CNTN4: variants seen among roughly 807,000 people sequenced by gnomAD.
CNTN4 encodes the protein contactin-4.
A neutral mutation model predicts 122.5 loss-of-function variants in CNTN4; 77 were observed. The ratio of observed to expected loss-of-function variants is 0.63; its 90% CI spans 0.52 to 0.76. CNTN4 has a LOEUF of 0.76. Ranked by LOEUF, CNTN4 falls within the 30% of genes least tolerant of loss-of-function variation. CNTN4 has a pLI of 0.00. For missense variants in CNTN4, 1,256 were observed against 1,259.1 expected, an observed-to-expected ratio of 1.00 and a Z score of 0.04; for synonymous variants, 512 against 447.0, an observed-to-expected ratio of 1.15 and a Z score of -1.83.
intron 2 of CNTN4, among the ~76,000 whole-genome samples, chr3:2,101,024 A>C (rs34321368): frequency 6.6e-6 from 1 of 152,216 alleles, no homozygotes; most frequent in African/African-American, 2.4e-5. Flanking sequence ...TTTAAACAAC[A>C]CTTTTCAGTT....
rs76598117 is a variant in CNTN4, at chr3:2,608,844, T to G, written c.55+37286T>G. On this transcript the variant is annotated intron_variant, in intron 4 of 24. Coordinates refer to ENST00000418658, the MANE Select transcript of CNTN4 (RefSeq NM_175607.3). ...GAGTAATGAATAGAAAAGGAAGTTG[T>G]GGCATGAACTATCTGATTCTTCTTT... 5.7e-3 allele frequency among the ~76,000 whole-genome samples: 868 copies of G among 152,318 alleles called. 5 individuals are homozygous for G. Among genetic ancestry groups the G allele is most frequent in the Middle Eastern group, 0.014 (4 of 294 alleles).
intron 2 of CNTN4, among the ~76,000 whole-genome samples, chr3:2,291,982 C>T (rs1054748700): frequency 1.3e-5 from 2 of 152,186 alleles, no homozygotes; most frequent in African/African-American, 2.4e-5. Context: ...GTGATCCACC[C>T]GCCTCAGCCT....
rs184642349 is a variant in CNTN4 at position 2,639,581 on chromosome 3, A to G, written c.55+68023A>G. Among the ~76,000 whole-genome samples, 21 of 152,322 alleles carry G rather than the reference A, an allele frequency of 1.4e-4. No homozygotes were observed. In the East Asian group the frequency reaches 3.9e-3, roughly 28 times the overall value. On this transcript the variant is annotated intron_variant, in intron 4 of 24. Coordinates refer to ENST00000418658, the MANE Select transcript of CNTN4 (RefSeq NM_175607.3). Reference sequence around the variant, plus strand: ...ATGTATTTTGCTTATTATATGTTTAATAAATTCTTCAAGGGCATGCATCTC... The same window carrying G: ...ATGTATTTTGCTTATTATATGTTTAGTAAATTCTTCAAGGGCATGCATCTC...
At chr3:2,453,955 A>G (rs1245223061) in intron 3 of CNTN4, among the ~76,000 whole-genome samples, 3 of 152,172 alleles carry the variant, frequency 2.0e-5, no homozygotes, top group African/African-American at 7.2e-5. Context: ...TCACACTTTC[A>G]TGATGGGAAT....
intron 4 of CNTN4, among the ~76,000 whole-genome samples, chr3:2,632,803 T>G (rs538684121): frequency 6.6e-6 from 1 of 152,240 alleles, no homozygotes; most frequent in East Asian, 1.9e-4. Flanking sequence ...TTATGAGTGA[T>G]GAAGCTCAGG....
intron 2 of CNTN4, among the ~76,000 whole-genome samples, chr3:2,158,814 G>A (rs1018492537): frequency 5.3e-5 from 8 of 152,212 alleles, no homozygotes; most frequent in African/African-American, 1.9e-4. Context: ...AAAGCATGGA[G>A]TCTGTTACTC....
intron 3 of CNTN4, among the ~76,000 whole-genome samples, chr3:2,520,931 C>T (rs2077189179): frequency 6.6e-6 from 1 of 152,026 alleles, no homozygotes; most frequent in Non-Finnish European, 1.5e-5. Context: ...TTCTAGAGTT[C>T]AGAGATAGAA....
Position 2,736,123 on chromosome 3 carries a change from C to A in CNTN4, c.56-92C>A, listed in dbSNP as rs1017134600. The A allele has an allele frequency of 2.3e-6, 3 of 1,313,664 alleles. No homozygotes were observed. The African/African-American group carries it at 4.4e-5, about 19-fold the overall frequency. 81.4% of individuals were successfully genotyped at this position (1,313,664 alleles called of 1,614,324 possible). On this transcript the variant is annotated intron_variant, in intron 4 of 24. Coordinates refer to ENST00000418658, the MANE Select transcript of CNTN4 (RefSeq NM_175607.3). ...GTGCCTTACTATTTTTTGTTAATTT[C>A]TTTCTATTATTTTCCTTATGTTGTT...
chr3:2,512,368 A>T (rs1335278472), intron 3 of CNTN4, among the ~76,000 whole-genome samples: 1 of 152,162 alleles, frequency 6.6e-6, no homozygotes, highest in African/African-American at 2.4e-5. Context: ...TAAAAAAACA[A>T]AAAAAATCAC....
chr3:2,983,950 C>G (rs9819491), intron 13 of CNTN4, among the ~76,000 whole-genome samples: 43 of 152,316 alleles, frequency 2.8e-4, no homozygotes, highest in African/African-American at 9.6e-4. Context: ...CTGTCTTTCT[C>G]TCATCTGGAA....
intron 3 of CNTN4, among the ~76,000 whole-genome samples, chr3:2,382,015 A>T (rs1195057478): frequency 2.6e-5 from 4 of 152,144 alleles, no homozygotes; most frequent in African/African-American, 9.7e-5. Flanking sequence ...ATTCACACAC[A>T]AAAAATAATT....
intron 12 of CNTN4, among the ~76,000 whole-genome samples, chr3:2,917,318 A>AG (rs1281855579): frequency 2.8e-5 from 4 of 143,438 alleles, no homozygotes; most frequent in African/African-American, 5.6e-5. Context: ...GCAGAGGGGG[A>AG]GATGGTGGAA....
At chr3:3,024,257 G>A (rs1698531183) in intron 14 of CNTN4, among the ~76,000 whole-genome samples, 1 of 151,882 alleles carries the variant, frequency 6.6e-6, no homozygotes. Flanking sequence ...CCTGGGATCT[G>A]TTTCAGTCTT....
chr3:3,021,392 A>G (rs182847096), intron 14 of CNTN4, among the ~76,000 whole-genome samples: 11 of 152,320 alleles, frequency 7.2e-5, no homozygotes, highest in African/African-American at 2.6e-4. Context: ...TTTAAATATG[A>G]TTAAAAATAA....
intron 14 of CNTN4, among the ~76,000 whole-genome samples, chr3:3,015,306 G>C (rs1697640595): frequency 6.6e-6 from 1 of 151,640 alleles, no homozygotes; most frequent in Non-Finnish European, 1.5e-5. Context: ...TAGAATTACA[G>C]ACAAGTCCTC....
At chr3:2,212,316 C>T (rs2038656643) in intron 2 of CNTN4, among the ~76,000 whole-genome samples, 3 of 152,060 alleles carry the variant, frequency 2.0e-5, no homozygotes, top group Admixed American at 2.0e-4. Context: ...ACTTAAAATG[C>T]TTCTGTATTA....
intron 5 of CNTN4, among the ~76,000 whole-genome samples, chr3:2,739,185 C>T (rs148634309): frequency 2.6e-4 from 40 of 152,062 alleles, no homozygotes; most frequent in African/African-American, 8.7e-4. Flanking sequence ...AAAACTACAA[C>T]GACATACTCT....
At chr3:2,511,146 C>G (rs956555791) in intron 3 of CNTN4, among the ~76,000 whole-genome samples, 1 of 152,122 alleles carries the variant, frequency 6.6e-6, no homozygotes, top group South Asian at 2.1e-4. Flanking sequence ...ACAGACAAAC[C>G]GAATCATAGG....
At chr3:2,556,680 A>G (rs1280982195) in intron 3 of CNTN4, among the ~76,000 whole-genome samples, 1 of 152,078 alleles carries the variant, frequency 6.6e-6, no homozygotes, top group African/African-American at 2.4e-5. Context: ...ATCACATTTT[A>G]TATATGTGTG....
Sources: gnomAD v4.1 joint callset for allele counts (sites outside exome capture counted in the v4.1 genomes callset) on GRCh38, gnomAD v4.1.1 for gene constraint, MANE v1.5 for transcripts, NCBI Gene and HGNC (gene_info 2026-07-23, HGNC 2026-07-21) for gene names.